Variants in GUCA1C observed in about 807,000 individuals in gnomAD.
GUCA1C encodes the protein guanylyl cyclase-activating protein 3.
A neutral mutation model predicts 16.2 loss-of-function variants in GUCA1C; 15 were observed. The ratio of observed to expected loss-of-function variants is 0.93; its 90% CI spans 0.62 to 1.43. GUCA1C has a LOEUF of 1.43. Ranked by LOEUF, GUCA1C falls within the 40% of genes most tolerant of loss-of-function variation. The pLI, the probability that GUCA1C is intolerant of heterozygous loss-of-function variation, is 0.00. For missense variants in GUCA1C, 275 were observed against 244.8 expected (o/e 1.12, Z -0.82); for synonymous variants, 78 against 85.4 (o/e 0.91, Z 0.48).
chr3:108,933,878 C>T (rs1946694842), intron 1 of GUCA1C, among the ~76,000 whole-genome samples: 1 of 152,156 alleles, frequency 6.6e-6, no homozygotes, highest in Non-Finnish European at 1.5e-5. Flanking sequence ...GACACATGCA[C>T]ACTCATGTTT....
upstream of GUCA1C, chr3:108,954,043 G>A (rs1279753197): frequency 2.3e-6 from 1 of 434,466 alleles, no homozygotes; most frequent in African/African-American, 2.0e-5. Context: ...TTTAGAGAGG[G>A]TGATCCTTGT....
intron 1 of GUCA1C, 131 bp downstream of exon 1, chr3:108,953,428 T>C: frequency 1.6e-6 from 1 of 633,906 alleles, no homozygotes; most frequent in East Asian, 2.7e-5. Context: ...AAGCTGTGAG[T>C]TGCCTGAAGA....
intron 1 of GUCA1C, among the ~76,000 whole-genome samples, chr3:108,943,813 A>G (rs578066619): frequency 6.6e-6 from 1 of 152,206 alleles, no homozygotes; most frequent in East Asian, 1.9e-4. Context: ...AGTCCATTGT[A>G]TGATTCTTAA....
intron 1 of GUCA1C, among the ~76,000 whole-genome samples, chr3:108,925,786 T>C (rs1576548725): frequency 6.6e-6 from 1 of 152,146 alleles, no homozygotes; most frequent in Admixed American, 6.5e-5. Context: ...AATAATTGTT[T>C]ATAAATTTGG....
At chr3:108,936,475 A>G (rs1156955088) in intron 1 of GUCA1C, among the ~76,000 whole-genome samples, 2 of 152,218 alleles carry the variant, frequency 1.3e-5, no homozygotes, top group Admixed American at 1.3e-4. Flanking sequence ...TGATTTTCAG[A>G]GAAGTTAAAT....
chr3:108,948,048 G>A (rs1220815923), intron 1 of GUCA1C, among the ~76,000 whole-genome samples: 1 of 152,052 alleles, frequency 6.6e-6, no homozygotes. Context: ...TGTTGATCTG[G>A]ACTTTCCTGT....
chr3:108,938,607 C>T (rs1228396375), intron 1 of GUCA1C, among the ~76,000 whole-genome samples: 1 of 152,162 alleles, frequency 6.6e-6, no homozygotes, highest in African/African-American at 2.4e-5. Flanking sequence ...TATGACCTAG[C>T]CTATTTTCAC....
chr3:108,933,587 CA>C (rs1346959303), intron 1 of GUCA1C, among the ~76,000 whole-genome samples: 1 of 152,262 alleles, frequency 6.6e-6, no homozygotes, highest in East Asian at 1.9e-4. Context: ...GGAAGGTCAA[CA>C]TCACTAATCT....
chr3:108,939,651 C>T (rs1344355796), intron 1 of GUCA1C, among the ~76,000 whole-genome samples: 1 of 150,396 alleles, frequency 6.6e-6, no homozygotes, highest in East Asian at 1.9e-4. Context: ...TTTTTTTAAC[C>T]AGGACTGTAA....
intron 1 of GUCA1C, among the ~76,000 whole-genome samples, chr3:108,935,638 G>A (rs928780950): frequency 6.6e-6 from 1 of 152,118 alleles, no homozygotes; most frequent in Non-Finnish European, 1.5e-5. Flanking sequence ...GGAGGTTACA[G>A]TGAGCCAAGA....
chr3:108,947,252 C>T (rs1372242711), intron 1 of GUCA1C, among the ~76,000 whole-genome samples: 3 of 152,054 alleles, frequency 2.0e-5, no homozygotes, highest in African/African-American at 7.2e-5. Context: ...GAAAATAATA[C>T]GGAAGAGAAA....
Position 108,953,800 on chromosome 3 carries a change from T to C in GUCA1C, c.-38A>G. The C allele has an allele frequency of 2.0e-6, 3 of 1,492,950 alleles. No homozygotes were observed. The highest frequency in any genetic ancestry group is 2.8e-6 in the Non-Finnish European group (3 of 1,070,298). 92.5% of individuals were successfully genotyped at this position (1,492,950 alleles called of 1,614,324 possible). A position where few individuals can be genotyped will look rare whatever the true frequency, so the allele number is the denominator to read the frequency against. ...TCTACAGCTTTTCCTCAGGTTGTTT[T>C]CACTTAAGTTTTTGCTGGATTTAGT... On this transcript the variant is annotated 5_prime_UTR_variant, in exon 1 of 4. Coordinates refer to ENST00000261047, the MANE Select transcript of GUCA1C (RefSeq NM_005459.4).
At chr3:108,951,582 TGCATAATTGCACATCA>T (rs1946896533) in intron 1 of GUCA1C, among the ~76,000 whole-genome samples, 1 of 152,254 alleles carries the variant, frequency 6.6e-6, no homozygotes, top group Non-Finnish European at 1.5e-5. Flanking sequence ...ACTTTTCCTG[TGCATAATTGCACATCA>T]TTTCTTAGTA....
intron 3 of GUCA1C, among the ~76,000 whole-genome samples, chr3:108,914,531 A>C (rs1307694555): frequency 6.6e-6 from 1 of 152,204 alleles, no homozygotes; most frequent in Non-Finnish European, 1.5e-5. Context: ...AGCAGTGTTC[A>C]TGGATATTAT....
At chr3:108,910,414 C>A (rs1379777981) in intron 3 of GUCA1C, among the ~76,000 whole-genome samples, 1 of 151,174 alleles carries the variant, frequency 6.6e-6, no homozygotes, top group Admixed American at 6.6e-5. Flanking sequence ...AGGAGATTCG[C>A]GTGAACCCGG....
chr3:108,948,763 A>G (rs1014736212), intron 1 of GUCA1C, among the ~76,000 whole-genome samples: 1 of 151,712 alleles, frequency 6.6e-6, no homozygotes, highest in Non-Finnish European at 1.5e-5. Flanking sequence ...CCTTCTTATA[A>G]AATTTCTCAG....
At position 108,945,823 on chromosome 3, in the gene GUCA1C, T is replaced by C. The variant is rs1438973949; in HGVS notation, c.204+7736A>G. Among the ~76,000 whole-genome samples the C allele has an allele frequency of 2.0e-5, 3 of 152,224 alleles. No individual in the cohort carries two copies. The East Asian group carries it at 5.8e-4, about 29-fold the overall frequency. On this transcript the variant is annotated intron_variant, in intron 1 of 3. Transcript: ENST00000261047. Reference sequence around the variant, plus strand: ...TATCTTGATTTATTAATTTTAGACATTGGCTTCCTGTTATACTAAAAGAGA... The same window carrying C: ...TATCTTGATTTATTAATTTTAGACACTGGCTTCCTGTTATACTAAAAGAGA...
intron 1 of GUCA1C, among the ~76,000 whole-genome samples, chr3:108,930,334 C>T (rs1230194001): frequency 2.0e-5 from 3 of 152,268 alleles, no homozygotes; most frequent in Non-Finnish European, 4.4e-5. Context: ...TAAAGTGTTA[C>T]GTGTTTGACT....
intron 1 of GUCA1C, among the ~76,000 whole-genome samples, chr3:108,931,431 C>A (rs891389790): frequency 5.3e-5 from 8 of 152,218 alleles, no homozygotes; most frequent in African/African-American, 1.9e-4. Context: ...CCTGGTTAAT[C>A]AAACCTTTCT....
Sources: allele counts gnomAD v4.1 joint callset (sites outside exome capture counted in the v4.1 genomes callset), GRCh38; gene constraint gnomAD v4.1.1; transcripts MANE v1.5; gene names NCBI Gene and HGNC (gene_info 2026-07-23, HGNC 2026-07-21).